Variants in RERE observed in about 807,000 individuals in gnomAD.
The protein encoded by RERE is arginine-glutamic acid dipeptide repeats protein.
In RERE, 40 loss-of-function variants were observed where a neutral mutation model predicts 146.1. That is an observed-to-expected ratio of 0.27 (90% CI 0.21 to 0.36). The LOEUF (loss-of-function observed/expected upper bound fraction) is 0.36, where lower values mean the gene tolerates loss of function less well. Among genes scored for constraint, RERE ranks in the 10% least tolerant of loss-of-function variants. The pLI, the probability that RERE is intolerant of heterozygous loss-of-function variation, is 1.00. For synonymous variants in RERE, 1,003 were observed against 866.0 expected, an observed-to-expected ratio of 1.16 and a Z score of -2.78; for missense variants, 1,933 against 2,138.7, an observed-to-expected ratio of 0.90 and a Z score of 1.90.
chr1:8,728,366 T>C (rs1279652158), intron 1 of RERE, among the ~76,000 whole-genome samples: 3 of 152,106 alleles, frequency 2.0e-5, no homozygotes, highest in East Asian at 1.9e-4. Flanking sequence ...GGCTTTACCA[T>C]GCACCACTGG....
chr1:8,432,874 T>C (rs1263618599), intron 11 of RERE, among the ~76,000 whole-genome samples: 1 of 152,220 alleles, frequency 6.6e-6, no homozygotes, highest in Non-Finnish European at 1.5e-5. Context: ...TGGGATTGAT[T>C]ACTTGGACTC....
At chr1:8,804,648 G>GC (rs1641649359) in intron 1 of RERE, among the ~76,000 whole-genome samples, 1 of 152,200 alleles carries the variant, frequency 6.6e-6, no homozygotes, top group African/African-American at 2.4e-5. Context: ...ACAATTTCTG[G>GC]AAAGTATCTT....
intron 4 of RERE, among the ~76,000 whole-genome samples, chr1:8,587,623 T>C (rs574268194): frequency 1.6e-3 from 249 of 152,290 alleles, no homozygotes; most frequent in Non-Finnish European, 2.9e-3. Context: ...TCTGATCACA[T>C]ACTCATCTGC....
At chr1:8,634,364 CT>C (rs986730854) in intron 2 of RERE, among the ~76,000 whole-genome samples, 5 of 152,186 alleles carry the variant, frequency 3.3e-5, no homozygotes, top group East Asian at 1.9e-4. Flanking sequence ...ATCCTTTCTA[CT>C]TTTTTTATCT....
At chr1:8,609,542 G>A (rs967470488) in intron 4 of RERE, among the ~76,000 whole-genome samples, 1 of 151,968 alleles carries the variant, frequency 6.6e-6, no homozygotes, top group African/African-American at 2.4e-5. Flanking sequence ...GATCTTTATC[G>A]ATGGTTATTT....
At chr1:8,603,437 T>C (rs538881628) in intron 4 of RERE, among the ~76,000 whole-genome samples, 12 of 152,354 alleles carry the variant, frequency 7.9e-5, no homozygotes, top group Non-Finnish European at 1.6e-4. Context: ...CATCCCAGCA[T>C]CCAAGAACAT....
chr1:8,396,206 T>G (rs1343574624), intron 12 of RERE, among the ~76,000 whole-genome samples: 1 of 152,194 alleles, frequency 6.6e-6, no homozygotes, highest in African/African-American at 2.4e-5. Flanking sequence ...AGGGCTGCTG[T>G]GCTATCACTT....
intron 12 of RERE, among the ~76,000 whole-genome samples, chr1:8,408,278 T>C (rs541883326): frequency 6.6e-6 from 1 of 151,378 alleles, no homozygotes; most frequent in East Asian, 1.9e-4. Context: ...CAAAGCCGAG[T>C]AGTAACAAAG....
intron 1 of RERE, among the ~76,000 whole-genome samples, chr1:8,657,393 C>A (rs970886480): frequency 2.0e-4 from 31 of 151,928 alleles, no homozygotes; most frequent in Non-Finnish European, 3.5e-4. Flanking sequence ...TTTCTGGCTA[C>A]TTCTACAAAC....
chr1:8,405,716 G>C (rs979108988), intron 12 of RERE, among the ~76,000 whole-genome samples: 4 of 151,602 alleles, frequency 2.6e-5, no homozygotes, highest in Non-Finnish European at 5.9e-5. Context: ...TCGGCTCACT[G>C]CAACCTCCAA....
At chr1:8,507,033 C>T (rs996726142) in intron 8 of RERE, among the ~76,000 whole-genome samples, 3 of 152,160 alleles carry the variant, frequency 2.0e-5, no homozygotes, top group Non-Finnish European at 1.5e-5. Context: ...CCCAGTCCTG[C>T]CTGACCAGGA....
Position 8,591,661 on chromosome 1 carries a change from T to A in RERE, c.522+22900A>T, listed in dbSNP as rs1646495710. On this transcript the variant is annotated intron_variant, in intron 4 of 22. Coordinates refer to ENST00000400908, the MANE Select transcript of RERE (RefSeq NM_001042681.2). ...CCAAGAAGACTTAGGAGTACTAGTTTCTACACCTAGAATCCACTTTTCTCT... is the reference window on the plus strand; with the variant it reads ...CCAAGAAGACTTAGGAGTACTAGTTACTACACCTAGAATCCACTTTTCTCT... Among the ~76,000 whole-genome samples, 3 of 152,194 alleles carry A rather than the reference T, an allele frequency of 2.0e-5. 1 individual carries two copies. The highest frequency in any genetic ancestry group is 2.0e-4 in the Admixed American group (3 of 15,278).
Position 8,352,525 on chromosome 1 carries a change from C to T in RERE, c.*2562G>A, listed in dbSNP as rs1441358152. On this transcript the variant is annotated 3_prime_UTR_variant, in exon 23 of 23. Coordinates refer to ENST00000400908, the MANE Select transcript of RERE (RefSeq NM_001042681.2). ...GTCTACTGTTTACACTGTGTTATCT[C>T]ATGGCAAACTACTCATATATACATT... The T allele has an allele frequency of 2.6e-5, 4 of 152,450 alleles. No individual in the cohort carries two copies. Among genetic ancestry groups the T allele is most frequent in the Non-Finnish European group, 5.9e-5 (4 of 68,040 alleles). 9.4% of individuals were successfully genotyped at this position (152,450 alleles called of 1,614,324 possible).
At chr1:8,615,703 G>A (rs1301526820) in intron 3 of RERE, among the ~76,000 whole-genome samples, 1 of 152,082 alleles carries the variant, frequency 6.6e-6, no homozygotes, top group Non-Finnish European at 1.5e-5. Context: ...AAAGCAAAGA[G>A]CAATTAACAA....
intron 8 of RERE, among the ~76,000 whole-genome samples, chr1:8,508,323 G>C (rs1645284588): frequency 6.6e-6 from 1 of 152,224 alleles, no homozygotes; most frequent in African/African-American, 2.4e-5. Context: ...CTGCAGAAGA[G>C]AAATGGAGTT....
At chr1:8,427,147 C>T (rs537434752) in intron 11 of RERE, among the ~76,000 whole-genome samples, 16 of 152,282 alleles carry the variant, frequency 1.1e-4, no homozygotes, top group Admixed American at 1.0e-3. Flanking sequence ...TGAGTCACCG[C>T]ACCCGGACAA....
chr1:8,633,195 G>C (rs1401157953), intron 2 of RERE, among the ~76,000 whole-genome samples: 1 of 152,176 alleles, frequency 6.6e-6, no homozygotes. Context: ...GGAGGCAGGA[G>C]GATCACTTCA....
rs1158066106 is a variant in RERE, at chr1:8,361,880, C to T, written c.1903-4G>A. On this transcript the variant is annotated splice_region_variant and splice_polypyrimidine_tract_variant and intron_variant, in intron 16 of 22. Coordinates refer to ENST00000400908, the MANE Select transcript of RERE (RefSeq NM_001042681.2). ...AAGAGGCTTCCTCCTTCACCTTCTG[C>T]AGGGGAAAAGCCCACAAGGAGCAAT... 1.2e-5 allele frequency: 19 copies of T among 1,607,864 alleles called. No individual in the cohort carries two copies. Among genetic ancestry groups the T allele is most frequent in the Non-Finnish European group, 1.6e-5 (19 of 1,174,630 alleles).
At position 8,592,462 on chromosome 1, in the gene RERE, G is replaced by A. The variant is rs141087489; in HGVS notation, c.522+22099C>T. 4.1e-3 allele frequency among the ~76,000 whole-genome samples: 627 copies of A among 152,108 alleles called. 5 individuals are homozygous for A. Among genetic ancestry groups the A allele is most frequent in the African/African-American group, 0.014 (598 of 41,558 alleles). ...ATTTTTGTACTTTTTTGTAGAGATC[G>A]GGTTTCACCACGTTGCCCAGGCTTA... On this transcript the variant is annotated intron_variant, in intron 4 of 22. Coordinates refer to ENST00000400908, the MANE Select transcript of RERE (RefSeq NM_001042681.2).
Sources: gnomAD v4.1 joint callset for allele counts (sites outside exome capture counted in the v4.1 genomes callset) on GRCh38, gnomAD v4.1.1 for gene constraint, MANE v1.5 for transcripts, NCBI Gene and HGNC (gene_info 2026-07-23, HGNC 2026-07-21) for gene names.